Variants in SPAG16 observed in about 807,000 individuals in gnomAD.
The protein encoded by SPAG16 is sperm associated antigen 16.
SPAG16 carries 86 observed loss-of-function variants against 80.4 expected under a neutral mutation model. That is an observed-to-expected ratio of 1.07 (90% confidence interval 0.90 to 1.28). The LOEUF (loss-of-function observed/expected upper bound fraction) is 1.28. Ranked by LOEUF, SPAG16 falls within the 50% of genes most tolerant of loss-of-function variation. SPAG16 has a pLI of 0.00. For missense variants in SPAG16, 870 were observed against 765.3 expected, an observed-to-expected ratio of 1.14 and a Z score of -1.61; for synonymous variants, 294 against 265.9, an observed-to-expected ratio of 1.11 and a Z score of -1.03.
At chr2:213,647,457 T>C (rs2125134443) in intron 10 of SPAG16, among the ~76,000 whole-genome samples, 1 of 152,316 alleles carries the variant, frequency 6.6e-6, no homozygotes, top group South Asian at 2.1e-4. Context: ...TTGCTCATTC[T>C]TTAAGACTCA....
chr2:214,182,530 G>T (rs1028539135), intron 15 of SPAG16, among the ~76,000 whole-genome samples: 4 of 151,858 alleles, frequency 2.6e-5, no homozygotes, highest in African/African-American at 4.8e-5. Context: ...TTAGGTAAAT[G>T]TATTTTATAA....
At chr2:213,646,037 C>T (rs1409171422) in intron 10 of SPAG16, among the ~76,000 whole-genome samples, 1 of 152,286 alleles carries the variant, frequency 6.6e-6, no homozygotes, top group South Asian at 2.1e-4. Context: ...AACAGGACAC[C>T]ACTGAGTTTA....
At chr2:214,381,563 A>G (rs550930671) in intron 15 of SPAG16, among the ~76,000 whole-genome samples, 18 of 152,372 alleles carry the variant, frequency 1.2e-4, no homozygotes, top group African/African-American at 3.6e-4. Context: ...TAATGTAGAA[A>G]TCAGAATTAT....
chr2:214,396,242 C>T lies in SPAG16; in HGVS notation c.1721-13898C>T, dbSNP rs187616523. ...GCAAATATTTTGTACCAGGCTGTGG[C>T]TTGGCTTTTTGTTGTTTATTTTAAT... On this transcript the variant is annotated intron_variant, in intron 15 of 15. Coordinates refer to ENST00000331683, the MANE Select transcript of SPAG16 (RefSeq NM_024532.5). Among the ~76,000 whole-genome samples the T allele has an allele frequency of 3.9e-3, 594 of 151,136 alleles. 4 individuals carry two copies. The highest frequency in any genetic ancestry group is 6.6e-3 in the Non-Finnish European group (449 of 67,762).
At chr2:213,776,633 G>GT (rs373640006) in intron 10 of SPAG16, among the ~76,000 whole-genome samples, 3,184 of 151,442 alleles carry the variant, frequency 0.021, 42 homozygotes, top group Non-Finnish European at 0.032. Flanking sequence ...ATTTTAAAAA[G>GT]TTTTTTTTTC....
chr2:214,308,346 G>A (rs1031301665), intron 15 of SPAG16, among the ~76,000 whole-genome samples: 14 of 152,094 alleles, frequency 9.2e-5, no homozygotes, highest in Non-Finnish European at 1.5e-4. Context: ...TATCCAGCTT[G>A]CCACTCTATG....
At position 213,676,592 on chromosome 2, in the gene SPAG16, AG is replaced by A. The variant is rs1220206172; in HGVS notation, c.1071-185890del. On this transcript the variant is annotated intron_variant, in intron 10 of 15. Transcript: ENST00000331683. ...AATTTGTTGAGAGTTTTTAGCATGAAGGGTTGTTGAATTTTGTCAAAGGCCT... is the reference window on the plus strand; with the variant it reads ...AATTTGTTGAGAGTTTTTAGCATGAAGGTTGTTGAATTTTGTCAAAGGCCT... Among the ~76,000 whole-genome samples the A allele has an allele frequency of 9.2e-5, 14 of 152,250 alleles. No homozygotes were observed. In the East Asian group the frequency reaches 2.5e-3, roughly 27 times the overall value.
At chr2:213,669,580 A>G (rs773244379) in intron 10 of SPAG16, among the ~76,000 whole-genome samples, 4 of 152,360 alleles carry the variant, frequency 2.6e-5, no homozygotes, top group Admixed American at 6.5e-5. Flanking sequence ...ATCAATAAAT[A>G]CATAAAGAAA....
At chr2:214,214,701 TA>T (rs1279025338) in intron 15 of SPAG16, among the ~76,000 whole-genome samples, 2 of 151,574 alleles carry the variant, frequency 1.3e-5, no homozygotes, top group African/African-American at 2.4e-5. Flanking sequence ...GCCCTCTTTA[TA>T]AAAAAAGAAT....
chr2:214,258,269 A>G (rs1055293306), intron 15 of SPAG16, among the ~76,000 whole-genome samples: 1 of 151,622 alleles, frequency 6.6e-6, no homozygotes, highest in African/African-American at 2.4e-5. Context: ...CGAGTCCCCA[A>G]ATTCCATTAT....
chr2:214,345,288 T>C (rs1697983604), intron 15 of SPAG16, among the ~76,000 whole-genome samples: 1 of 152,132 alleles, frequency 6.6e-6, no homozygotes, highest in South Asian at 2.1e-4. Flanking sequence ...GGCTAATATC[T>C]GCTGTTGGTC....
chr2:213,675,476 A>ATGG (rs1407222825), intron 10 of SPAG16, among the ~76,000 whole-genome samples: 1 of 152,152 alleles, frequency 6.6e-6, no homozygotes, highest in African/African-American at 2.4e-5. Flanking sequence ...TATGTCCTGA[A>ATGG]TGGTAATGCC....
chr2:213,889,731 A>G (rs1364303009), intron 11 of SPAG16, among the ~76,000 whole-genome samples: 1 of 148,942 alleles, frequency 6.7e-6, no homozygotes, highest in African/African-American at 2.5e-5. Context: ...ATATATATAC[A>G]TATATATATA....
At chr2:213,911,541 A>T (rs1224245689) in intron 11 of SPAG16, among the ~76,000 whole-genome samples, 2 of 152,246 alleles carry the variant, frequency 1.3e-5, no homozygotes, top group Non-Finnish European at 2.9e-5. Context: ...TGAAACCATT[A>T]TAGGAAATAC....
chr2:214,281,212 G>T, intron 15 of SPAG16: 1 of 328,560 alleles, frequency 3.0e-6, no homozygotes, highest in Non-Finnish European at 6.0e-6. Context: ...GCCATATTTT[G>T]GCAGTTCATG....
At chr2:213,839,383 AT>A (rs1299884128) in intron 10 of SPAG16, among the ~76,000 whole-genome samples, 2 of 152,206 alleles carry the variant, frequency 1.3e-5, no homozygotes, top group Admixed American at 6.5e-5. Context: ...ATGAGAAAAC[AT>A]TTTTTTATGA....
intron 12 of SPAG16, among the ~76,000 whole-genome samples, chr2:213,945,052 C>T (rs971206981): frequency 1.3e-5 from 2 of 151,856 alleles, no homozygotes; most frequent in Non-Finnish European, 2.9e-5. Flanking sequence ...AAAGACAAGA[C>T]ATGAGAGACT....
At chr2:214,147,753 T>C (rs1357609190) in intron 14 of SPAG16, among the ~76,000 whole-genome samples, 4 of 152,312 alleles carry the variant, frequency 2.6e-5, no homozygotes, top group East Asian at 1.9e-4. Context: ...ATTTATTAGA[T>C]TGGGGACAAG....
At chr2:213,724,316 G>T (rs2066657211) in intron 10 of SPAG16, among the ~76,000 whole-genome samples, 1 of 151,842 alleles carries the variant, frequency 6.6e-6, no homozygotes, top group Non-Finnish European at 1.5e-5. Flanking sequence ...AAAACACAAA[G>T]GTATTTTAAA....
Sources: allele counts gnomAD v4.1 joint callset (sites outside exome capture counted in the v4.1 genomes callset), GRCh38; gene constraint gnomAD v4.1.1; transcripts MANE v1.5; gene names NCBI Gene and HGNC (gene_info 2026-07-23, HGNC 2026-07-21).